Variants in LPL observed in about 807,000 individuals in gnomAD.
LPL encodes the protein phospholipase A1.
LPL carries 43 observed loss-of-function variants against 52.2 expected under a neutral mutation model. That is an observed-to-expected ratio of 0.82 (90% CI 0.64 to 1.06). The LOEUF is 1.06. LPL is among the 50% of genes least tolerant of loss of function. The pLI is 0.00. For synonymous variants in LPL, 244 were observed against 215.6 expected (o/e 1.13, Z -1.15); for missense variants, 639 against 585.3 (o/e 1.09, Z -0.95).
intron 5 of LPL, 95 bp downstream of exon 5, chr8:19,954,448 C>T (rs2069965296): frequency 2.4e-6 from 3 of 1,272,818 alleles, no homozygotes; most frequent in Non-Finnish European, 3.4e-6. Flanking sequence ...ATGTAGTTTT[C>T]ATATACACAT....
chr8:19,960,523 T>A (rs538066051), intron 7 of LPL, among the ~76,000 whole-genome samples: 2 of 152,280 alleles, frequency 1.3e-5, no homozygotes, highest in East Asian at 3.9e-4. Context: ...AAATGGAATA[T>A]AAAATCTGAA....
rs1299593452 is a variant in LPL, at chr8:19,950,194, G to C, written c.250-1575G>C. Among the ~76,000 whole-genome samples, 1 of 152,206 alleles carries C rather than the reference G, an allele frequency of 6.6e-6. No homozygotes were observed. Among genetic ancestry groups the C allele is most frequent in the Non-Finnish European group, 1.5e-5 (1 of 68,038 alleles). On this transcript the variant is annotated intron_variant, in intron 2 of 9. Coordinates refer to ENST00000650287, the MANE Select transcript of LPL (RefSeq NM_000237.3). The surrounding 1 kb of genome is among the most constrained non-coding windows in gnomAD (Gnocchi z 4.2). ...TTATCTCAGTGAACTCACTGGCAGG[G>C]TCAGGTGGCCCACCTGGTATAGGCA...
intron 6 of LPL, 65 bp from the exon 7 acceptor site, chr8:19,959,195 G>C: frequency 6.2e-7 from 1 of 1,601,458 alleles, no homozygotes; most frequent in South Asian, 1.1e-5. Flanking sequence ...TGAATTGCCT[G>C]ACTATTTGGG....
intron 1 of LPL, among the ~76,000 whole-genome samples, chr8:19,943,814 A>AT (rs2069861059): frequency 6.6e-6 from 1 of 152,178 alleles, no homozygotes; most frequent in African/African-American, 2.4e-5. Context: ...TAGCCCTAAT[A>AT]TTGGAGAAAA....
intron 7 of LPL, among the ~76,000 whole-genome samples, chr8:19,960,082 C>A (rs1000949160): frequency 2.0e-5 from 3 of 151,900 alleles, no homozygotes; most frequent in African/African-American, 7.3e-5. Context: ...AGCCACCATG[C>A]CCAGCCTACC....
rs1370987958 is a variant in LPL at position 19,961,064 on chromosome 8, G to T, written c.1303G>T (p.Ala435Ser). The part of the protein sequence containing the change: ...GFAIQKIRVK[A>S]GETQKKVIFC... ...CGCCATTCAGAAGATCAGAGTAAAA[G>T]CAGGAGAGACTCAGAAAAAGTAATT... The change falls in exon 8 of 10, where the codon GCA becomes TCA. Residue 435 changes from alanine to serine, a missense_variant. Transcript: ENST00000650287. 3 of 1,614,020 alleles carry T rather than the reference G, an allele frequency of 1.9e-6. No homozygotes were observed. The African/African-American group carries it at 4.0e-5, about 22-fold the overall frequency.
At chr8:19,963,194 G>C (rs1185897395) in intron 9 of LPL, among the ~76,000 whole-genome samples, 1 of 152,238 alleles carries the variant, frequency 6.6e-6, no homozygotes, top group Non-Finnish European at 1.5e-5. Context: ...CCAGCACTTT[G>C]GGAGGCTGAG....
At position 19,950,885 on chromosome 8, in the gene LPL, GGAAGGAAGGAATGAAGGA is replaced by G. The variant is rs2069928191; in HGVS notation, c.250-883_250-866del. Reference sequence around the variant, plus strand: ...AGGAAGGGAAGGAGGGAGGGAGGAAGGAAGGAAGGAATGAAGGAAGGAAGGAAGGAATGAAGGAAGGAA... The same window carrying G: ...AGGAAGGGAAGGAGGGAGGGAGGAAGAGGAAGGAAGGAATGAAGGAAGGAA... On this transcript the variant is annotated intron_variant, in intron 2 of 9. Transcript: ENST00000650287. The surrounding 1 kb of genome is among the most constrained non-coding windows in gnomAD (Gnocchi z 4.2). Among the ~76,000 whole-genome samples, 1 of 148,630 alleles carries G rather than the reference GGAAGGAAGGAATGAAGGA, an allele frequency of 6.7e-6. No homozygotes were observed.
At chr8:19,943,872 C>A (rs891697970) in intron 1 of LPL, among the ~76,000 whole-genome samples, 1 of 152,042 alleles carries the variant, frequency 6.6e-6, no homozygotes, top group Admixed American at 6.6e-5. Flanking sequence ...TTTTCCTATT[C>A]CATTAATAAA....
rs908062502 is a variant in LPL, at chr8:19,952,907, T to C, written c.430-403T>C. Among the ~76,000 whole-genome samples, 4 of 152,328 alleles carry C rather than the reference T, an allele frequency of 2.6e-5. 1 individual carries two copies. Reference sequence around the variant, plus strand: ...TCAAACATACACACATATACATATATGCATGCATATAAATGTATACGCATA... The same window carrying C: ...TCAAACATACACACATATACATATACGCATGCATATAAATGTATACGCATA... On this transcript the variant is annotated intron_variant, in intron 3 of 9. Transcript: ENST00000650287.
At chr8:19,961,215 GATTTTCTTTAGGAGTCTTCTTTT>G (rs2070035839) in intron 8 of LPL, 132 bp downstream of exon 8, 6 of 333,444 alleles carry the variant, frequency 1.8e-5, no homozygotes, top group African/African-American at 3.1e-5. Flanking sequence ...GTATGATGTA[GATTTTCTTTAGGAGTCTTCTTTT>G]ATTTTCTTAT....
intron 5 of LPL, 65 bp downstream of exon 5, chr8:19,954,418 C>T: frequency 6.9e-7 from 1 of 1,457,530 alleles, no homozygotes; most frequent in Non-Finnish European, 9.6e-7. Flanking sequence ...ACCCAATGTC[C>T]TACTCAGTAG....
At chr8:19,954,931 T>C (rs945688457) in intron 5 of LPL, among the ~76,000 whole-genome samples, 1 of 152,202 alleles carries the variant, frequency 6.6e-6, no homozygotes, top group East Asian at 1.9e-4. Context: ...CTCAAACTCC[T>C]GGCCTCAAGT....
chr8:19,954,069 C>T, intron 4 of LPL, 51 bp from the exon 5 acceptor site: 1 of 1,306,774 alleles, frequency 7.7e-7, no homozygotes, highest in Non-Finnish European at 1.1e-6. Context: ...ATGCGAATGT[C>T]ATACGAATGG....
intron 1 of LPL, among the ~76,000 whole-genome samples, chr8:19,942,164 T>C (rs2128835735): frequency 1.3e-5 from 2 of 152,192 alleles, no homozygotes; most frequent in East Asian, 3.9e-4. Context: ...TTCAGCAGCT[T>C]ATTTTTAACT....
At chr8:19,956,458 G>GT (rs273) in intron 6 of LPL, among the ~76,000 whole-genome samples, 20,078 of 151,866 alleles carry the variant, frequency 0.13, 1,497 homozygotes, top group East Asian at 0.22. Flanking sequence ...TTTGTAAATA[G>GT]TTTTTTTAAA....
intron 5 of LPL, among the ~76,000 whole-genome samples, chr8:19,955,480 A>G (rs931758875): frequency 6.6e-6 from 1 of 152,194 alleles, no homozygotes; most frequent in Non-Finnish European, 1.5e-5. Flanking sequence ...GGGCAGGTAT[A>G]TGTTTCTAGA....
chr8:19,965,613 T>C lies in LPL; in HGVS notation c.*303T>C, dbSNP rs977190147. The C allele has an allele frequency of 2.8e-6, 1 of 359,604 alleles. No homozygotes were observed. Among genetic ancestry groups the C allele is most frequent in the East Asian group, 4.6e-5 (1 of 21,644 alleles). 22.3% of individuals were successfully genotyped at this position (359,604 alleles called of 1,614,324 possible). On this transcript the variant is annotated 3_prime_UTR_variant, in exon 10 of 10. Transcript: ENST00000650287. ...AAGAAATAATTGTTTGAGCGCAGAG[T>C]AAAATAAGGCTCCTTCATGTGGCGT...
At position 19,950,737 on chromosome 8, in the gene LPL, G is replaced by A. The variant is rs2069926360; in HGVS notation, c.250-1032G>A. 6.6e-6 allele frequency among the ~76,000 whole-genome samples: 1 copy of A among 152,174 alleles called. No homozygotes were observed. The highest frequency in any genetic ancestry group is 1.5e-5 in the Non-Finnish European group (1 of 68,026). On this transcript the variant is annotated intron_variant, in intron 2 of 9. Transcript: ENST00000650287. This position sits in a 1 kb window ranked among gnomAD's most constrained non-coding sequence, Gnocchi z 4.2. ...GAGAATCGCTTGAACCAAGGAGGCGGAGGTTGCACTGAGCTGAGATCATGC... is the reference window on the plus strand; with the variant it reads ...GAGAATCGCTTGAACCAAGGAGGCGAAGGTTGCACTGAGCTGAGATCATGC...
Sources: gnomAD v4.1 joint callset for allele counts (sites outside exome capture counted in the v4.1 genomes callset) on GRCh38, gnomAD v4.1.1 for gene constraint, Gnocchi (gnomAD v3.1) non-coding constraint, MANE v1.5 for transcripts, NCBI Gene and HGNC (gene_info 2026-07-23, HGNC 2026-07-21) for gene names.